Variants in GRIN2A observed in about 807,000 individuals in gnomAD.
GRIN2A encodes glutamate ionotropic receptor NMDA type subunit 2A.
In GRIN2A, 22 loss-of-function variants were observed where a neutral mutation model predicts 113.4. The observed-to-expected ratio is 0.19, with a 90% confidence interval of 0.14 to 0.28. GRIN2A has a LOEUF of 0.28. GRIN2A is among the 10% of genes least tolerant of loss of function. The pLI, the probability that GRIN2A is intolerant of heterozygous loss-of-function variation, is 1.00. For missense variants in GRIN2A, 1,502 were observed against 1,887.0 expected, an observed-to-expected ratio of 0.80 and a Z score of 3.78; for synonymous variants, 827 against 738.4, an observed-to-expected ratio of 1.12 and a Z score of -1.94.
chr16:10,024,220 A>ATGTT (rs3033410), intron 2 of GRIN2A, among the ~76,000 whole-genome samples: 10,699 of 151,804 alleles, frequency 0.07, 968 homozygotes, highest in African/African-American at 0.21. Context: ...AATGGTATGC[A>ATGTT]TGTTTGTTTG....
intron 2 of GRIN2A, among the ~76,000 whole-genome samples, chr16:10,168,176 G>C (rs1312251970): frequency 6.6e-6 from 1 of 152,170 alleles, no homozygotes; most frequent in Non-Finnish European, 1.5e-5. Context: ...GTAAATATGA[G>C]GCCGGCTGAC....
At chr16:10,116,746 G>A (rs1021646482) in intron 2 of GRIN2A, among the ~76,000 whole-genome samples, 2 of 152,160 alleles carry the variant, frequency 1.3e-5, no homozygotes, top group African/African-American at 4.8e-5. Flanking sequence ...AACAGTGTAG[G>A]ACACACCTCA....
At chr16:10,119,698 T>G (rs976579564) in intron 2 of GRIN2A, among the ~76,000 whole-genome samples, 1 of 152,236 alleles carries the variant, frequency 6.6e-6, no homozygotes, top group African/African-American at 2.4e-5. Flanking sequence ...ATGCACATAG[T>G]ACCTGACAGG....
At chr16:10,093,711 G>A (rs1022257721) in intron 2 of GRIN2A, among the ~76,000 whole-genome samples, 1 of 152,070 alleles carries the variant, frequency 6.6e-6, no homozygotes, top group African/African-American at 2.4e-5. Context: ...TCACTGTCAC[G>A]TGATTCTGTG....
chr16:10,176,717 G>A (rs1355990872), intron 2 of GRIN2A, among the ~76,000 whole-genome samples: 1 of 142,636 alleles, frequency 7.0e-6, no homozygotes, highest in Non-Finnish European at 1.5e-5. Flanking sequence ...GGGGAGGGGG[G>A]ATGGATAGCA....
intron 10 of GRIN2A, among the ~76,000 whole-genome samples, chr16:9,806,620 C>G (rs1003566820): frequency 2.7e-5 from 4 of 150,348 alleles, no homozygotes; most frequent in South Asian, 2.1e-4. Flanking sequence ...AGGTACCAAG[C>G]AAAACATGAA....
intron 2 of GRIN2A, among the ~76,000 whole-genome samples, chr16:9,990,559 G>GTGCACACA (rs1567220801): frequency 1.1e-4 from 10 of 94,644 alleles, no homozygotes; most frequent in African/African-American, 3.0e-4. Flanking sequence ...GCGCGCGCGC[G>GTGCACACA]CGCGCACACA....
chr16:10,180,729 C>A lies in GRIN2A; in HGVS notation c.-18-300G>T, dbSNP rs1156789960. 1.9e-6 allele frequency: 1 copy of A among 525,312 alleles called. No individual in the cohort carries two copies. Among genetic ancestry groups the A allele is most frequent in the African/African-American group, 1.9e-5 (1 of 52,360 alleles). The allele number at this position is 525,312 out of a possible 1,614,324, so 32.5% of individuals were successfully genotyped here. A position where few individuals can be genotyped will look rare whatever the true frequency, so the allele number is the denominator to read the frequency against. On this transcript the variant is annotated intron_variant, in intron 1 of 12. Transcript: ENST00000330684. This position sits in a 1 kb window ranked among gnomAD's most constrained non-coding sequence, Gnocchi z 7.0. ...TCCCCATCTCTGTCCATATCCCCCACCGCATTCCCCAAGTTCGCCGCGGGC... is the reference window on the plus strand; with the variant it reads ...TCCCCATCTCTGTCCATATCCCCCAACGCATTCCCCAAGTTCGCCGCGGGC...
At chr16:9,887,927 C>A (rs1180045146) in intron 4 of GRIN2A, among the ~76,000 whole-genome samples, 2 of 152,160 alleles carry the variant, frequency 1.3e-5, no homozygotes, top group Non-Finnish European at 2.9e-5. Context: ...TGTGGTGGCA[C>A]ATGCCTGTAA....
At chr16:9,863,035 A>T (rs2043097546) in intron 4 of GRIN2A, among the ~76,000 whole-genome samples, 1 of 152,176 alleles carries the variant, frequency 6.6e-6, no homozygotes, top group Non-Finnish European at 1.5e-5. Context: ...GTATGTTGGC[A>T]AACAGGGAAT....
chr16:10,097,081 A>T (rs2048309052), intron 2 of GRIN2A, among the ~76,000 whole-genome samples: 1 of 152,190 alleles, frequency 6.6e-6, no homozygotes, highest in South Asian at 2.1e-4. Context: ...AACATCAGGG[A>T]AAAAGTCCCA....
chr16:10,163,564 T>A (rs1287145671), intron 2 of GRIN2A, among the ~76,000 whole-genome samples: 1 of 152,072 alleles, frequency 6.6e-6, no homozygotes, highest in Non-Finnish European at 1.5e-5. Context: ...ATGCTTCCGT[T>A]TTGCTTGTGA....
At chr16:9,841,405 TGTACACCCATTA>T (rs2141347220) in intron 5 of GRIN2A, among the ~76,000 whole-genome samples, 1 of 151,840 alleles carries the variant, frequency 6.6e-6, no homozygotes, top group South Asian at 2.1e-4. Flanking sequence ...AGTTGATATT[TGTACACCCATTA>T]AACAGGTAAA....
At chr16:9,851,206 G>A (rs770014459) in intron 4 of GRIN2A, among the ~76,000 whole-genome samples, 2 of 152,136 alleles carry the variant, frequency 1.3e-5, no homozygotes, top group Non-Finnish European at 2.9e-5. Flanking sequence ...CTCATCATAT[G>A]GGCTGGAAAA....
In GRIN2A at chr16:9,920,259, G is replaced by A. The variant is rs986199680; in HGVS notation, c.1007+17700C>T. On this transcript the variant is annotated intron_variant, in intron 3 of 12. Transcript: ENST00000330684. ...CGGGTGAATGCATGAATGAATGAAC[G>A]AATGAAAGAATTCCAGGAAATTGCT... is the stretch of plus-strand genomic sequence containing the variant. Among the ~76,000 whole-genome samples the A allele has an allele frequency of 4.6e-5, 7 of 152,312 alleles. No homozygotes were observed. The East Asian group carries it at 5.8e-4, about 13-fold the overall frequency.
chr16:10,112,571 C>T (rs796727587), intron 2 of GRIN2A: 29 of 772,272 alleles, frequency 3.8e-5, no homozygotes, highest in African/African-American at 2.7e-4. Context: ...GGCCCAGCGG[C>T]GAGTACTTCT....
At chr16:10,130,969 T>A (rs182936629) in intron 2 of GRIN2A, among the ~76,000 whole-genome samples, 189 of 152,218 alleles carry the variant, frequency 1.2e-3, no homozygotes, top group African/African-American at 4.5e-3. Flanking sequence ...GGCAGCAATA[T>A]AAAAACCAGT....
At chr16:10,117,444 T>C (rs2048747927) in intron 2 of GRIN2A, among the ~76,000 whole-genome samples, 1 of 152,106 alleles carries the variant, frequency 6.6e-6, no homozygotes, top group South Asian at 2.1e-4. Context: ...GGATGGTGAG[T>C]ATAGGAGAGT....
In GRIN2A at chr16:9,778,256, C is replaced by T. The variant is rs567902381; in HGVS notation, c.2357-9167G>A. On this transcript the variant is annotated intron_variant, in intron 11 of 12. Coordinates refer to ENST00000330684, the MANE Select transcript of GRIN2A (RefSeq NM_001134407.3). ...AGAGATACAATTCTTTGAAGTAAGA[C>T]GGCAGAAACCTTGTAGGAATCCAGG... Among the ~76,000 whole-genome samples the T allele has an allele frequency of 1.8e-4, 28 of 152,270 alleles. No individual in the cohort carries two copies. In the East Asian group the frequency reaches 3.7e-3, roughly 20 times the overall value.
Sources: gnomAD v4.1 joint callset for allele counts (sites outside exome capture counted in the v4.1 genomes callset) on GRCh38, gnomAD v4.1.1 for gene constraint, Gnocchi (gnomAD v3.1) non-coding constraint, MANE v1.5 for transcripts, NCBI Gene and HGNC (gene_info 2026-07-23, HGNC 2026-07-21) for gene names.